Variants in SLC22A6 observed in about 807,000 individuals in gnomAD.
The protein encoded by SLC22A6 is solute carrier family 22 member 6, also known as PAH transporter.
Under a neutral mutation model 56.7 loss-of-function variants are expected in SLC22A6, and 45 were observed. That is an observed-to-expected ratio of 0.79 (90% CI 0.63 to 1.02). The LOEUF is 1.02. Among genes scored for constraint, SLC22A6 ranks in the 50% least tolerant of loss-of-function variants. SLC22A6 has a pLI of 0.00. For missense variants in SLC22A6, 606 were observed against 713.8 expected (o/e 0.85, Z 1.72); for synonymous variants, 291 against 295.9 (o/e 0.98, Z 0.17).
Position 62,981,977 on chromosome 11 carries a change from C to G in SLC22A6, c.662G>C (p.Cys221Ser). 1 of 1,614,092 alleles carries G rather than the reference C, an allele frequency of 6.2e-7. No homozygotes were observed. Among genetic ancestry groups the G allele is most frequent in the African/African-American group, 1.3e-5 (1 of 75,072 alleles). ...GACATAGCCAATCAAGGTGCCCACG[C>G]AGGCCCGTGTGTGAATGGGCATCCA... ...VEWMPIHTRACVGTLIGYVYS... is the reference protein window; with the variant it reads ...VEWMPIHTRASVGTLIGYVYS... The change falls in exon 4 of 10, where the codon TGC becomes TCC. Residue 221 changes from cysteine to serine, a missense_variant. By Grantham distance (112) the Cys-to-Ser change is moderately radical. Coordinates refer to ENST00000360421, the MANE Select transcript of SLC22A6 (RefSeq NM_153276.3).
At position 62,977,300 on chromosome 11, in the gene SLC22A6, G is replaced by C; in HGVS notation, c.1449C>G (p.Pro483=). 3 of 1,614,026 alleles carry C rather than the reference G, an allele frequency of 1.9e-6. No homozygotes were observed. The highest frequency in any genetic ancestry group is 2.5e-6 in the Non-Finnish European group (3 of 1,180,040). Residue 483 remains proline, a synonymous_variant, in exon 9 of 10, where the codon CCC becomes CCG. Transcript: ENST00000360421. ...PLVSMTAELY[P]SMPLFIYGAV... ...CACCGTAGATGAAGAGAGGCATGGA[G>C]GGGTAGAGCTCGGCAGTCATGCTCA... is the stretch of plus-strand genomic sequence containing the variant.
chr11:62,977,215 G>A lies in SLC22A6; in HGVS notation c.1534C>T (p.Leu512=). 1 of 1,614,210 alleles carries A rather than the reference G, an allele frequency of 6.2e-7. No individual in the cohort carries two copies. The highest frequency in any genetic ancestry group is 8.5e-7 in the Non-Finnish European group (1 of 1,180,038). ...TCCAGGTCCTGCACCGTGTCTGGCA[G>A]TGGCTGGCCCAGGGTCTCTGGCAGG... ...VLLPETLGQP[L]PDTVQDLESR... is the part of the protein sequence containing the mutation. Residue 512 remains leucine, a synonymous_variant, in exon 9 of 10, where the codon CTG becomes TTG. Coordinates refer to ENST00000360421, the MANE Select transcript of SLC22A6 (RefSeq NM_153276.3).
rs2135099900 is a variant in SLC22A6, at chr11:62,983,094, G to A, written c.628+443C>T. Among the ~76,000 whole-genome samples the A allele has an allele frequency of 6.6e-6, 1 of 151,922 alleles. No homozygotes were observed. The highest frequency in any genetic ancestry group is 6.6e-5 in the Admixed American group (1 of 15,250). On this transcript the variant is annotated intron_variant, in intron 3 of 9. Coordinates refer to ENST00000360421, the MANE Select transcript of SLC22A6 (RefSeq NM_153276.3). This position sits in a 1 kb window ranked among gnomAD's most constrained non-coding sequence, Gnocchi z 4.5. Reference sequence around the variant, plus strand: ...GAGTCTCGCTCTATTGCCCAGGCTGGAGTGCAGTGGCGCAATCTCCGCTCA... The same window carrying A: ...GAGTCTCGCTCTATTGCCCAGGCTGAAGTGCAGTGGCGCAATCTCCGCTCA...
intron 3 of SLC22A6, 134 bp from the exon 4 acceptor site, chr11:62,982,144 G>T (rs2086263077): frequency 2.5e-6 from 2 of 798,288 alleles, no homozygotes; most frequent in Non-Finnish European, 3.9e-6. Context: ...GTGCCAGGGT[G>T]ATGGGAGTGG....
Position 62,984,715 on chromosome 11 carries a change from G to T in SLC22A6, c.-25C>A. 6.3e-7 allele frequency: 1 copy of T among 1,598,904 alleles called. No homozygotes were observed. Reference sequence around the variant, plus strand: ...TTGGGCCAGGCCCAGCCCAGTGGCTGGGGGCTGAGGCCTTCCAGTCCCAGG... The same window carrying T: ...TTGGGCCAGGCCCAGCCCAGTGGCTTGGGGCTGAGGCCTTCCAGTCCCAGG... On this transcript the variant is annotated 5_prime_UTR_variant, in exon 1 of 10. Coordinates refer to ENST00000360421, the MANE Select transcript of SLC22A6 (RefSeq NM_153276.3).
intron 8 of SLC22A6, among the ~76,000 whole-genome samples, chr11:62,977,801 C>T (rs1250786238): frequency 6.6e-6 from 1 of 152,222 alleles, no homozygotes; most frequent in Non-Finnish European, 1.5e-5. Context: ...TGTGGTACAC[C>T]TATGGTTCTC....
At position 62,984,549 on chromosome 11, in the gene SLC22A6, G is replaced by A; in HGVS notation, c.142C>T (p.His48Tyr). Reference sequence around the variant, plus strand: ...TTGGCATCGGCAGGCGGGCGGCAGTGGTGGGTAGGGATGGCAGCAGTGAAG... The same window carrying A: ...TTGGCATCGGCAGGCGGGCGGCAGTAGTGGGTAGGGATGGCAGCAGTGAAG... The part of the protein sequence containing the change: ...QNFTAAIPTH[H>Y]CRPPADANLS... Residue 48 changes from histidine (H) to tyrosine (Y), a missense_variant, in exon 1 of 10, where the codon CAC becomes TAC. Coordinates refer to ENST00000360421, the MANE Select transcript of SLC22A6 (RefSeq NM_153276.3). 6.2e-7 allele frequency: 1 copy of A among 1,613,694 alleles called. No homozygotes were observed. The highest frequency in any genetic ancestry group is 8.5e-7 in the Non-Finnish European group (1 of 1,179,846).
chr11:62,984,320 AC>A lies in SLC22A6; in HGVS notation c.369+1del. ...CCTGGATGGGGAGCCCCAGGTGCTC[AC>A]CTCAGTCACGATGGTAGATGGGAAG... On this transcript the variant is annotated splice_donor_variant, in intron 1 of 9. Coordinates refer to ENST00000360421, the MANE Select transcript of SLC22A6 (RefSeq NM_153276.3). LOFTEE classifies it high-confidence loss of function. 1 of 1,610,776 alleles carries A rather than the reference AC, an allele frequency of 6.2e-7. No individual in the cohort carries two copies. The highest frequency in any genetic ancestry group is 2.2e-5 in the East Asian group (1 of 44,788).
Position 62,979,904 on chromosome 11 carries a change from T to C in SLC22A6, c.1082A>G (p.Gln361Arg), listed in dbSNP as rs749666932. 5.6e-6 allele frequency: 9 copies of C among 1,614,148 alleles called. No homozygotes were observed. The South Asian group carries it at 9.9e-5, about 18-fold the overall frequency. ...TAGGTAGATGCTGACTCCAAAGCCC[T>C]GCAGGTCCATGACCAGCCCATAGTA... ...FAYYGLVMDL[Q>R]GFGVSIYLIQ... The change falls in exon 7 of 10, where the codon CAG (glutamine) becomes CGG (arginine). Residue 361 changes from glutamine (Q) to arginine (R), a missense_variant. Coordinates refer to ENST00000360421, the MANE Select transcript of SLC22A6 (RefSeq NM_153276.3).
chr11:62,976,930 A>G (rs1481429176), intron 9 of SLC22A6, 49 bp from the exon 10 acceptor site: 2 of 1,600,822 alleles, frequency 1.2e-6, no homozygotes. Flanking sequence ...CCTCCAGGCC[A>G]GGGCCGGGAT....
At chr11:62,979,623 G>A (rs2086229779) in intron 7 of SLC22A6, 27 bp from the exon 8 acceptor site, 1 of 1,598,950 alleles carries the variant, frequency 6.3e-7, no homozygotes, top group Non-Finnish European at 8.6e-7. Context: ...GGGGATAGCA[G>A]GAGCTTGGGA....
In SLC22A6 at chr11:62,983,047, C is replaced by CT. The variant is rs1225439766; in HGVS notation, c.628+489dup. On this transcript the variant is annotated intron_variant, in intron 3 of 9. Coordinates refer to ENST00000360421, the MANE Select transcript of SLC22A6 (RefSeq NM_153276.3). This position sits in a 1 kb window ranked among gnomAD's most constrained non-coding sequence, Gnocchi z 4.5. ...TCTAACAATGGAGTTTGCAATCCTG[C>CT]TTTTTTTTTTTTTTTGAGACAGAGT... 0.012 allele frequency among the ~76,000 whole-genome samples: 1,703 copies of CT among 141,102 alleles called. 13 individuals are homozygous for CT. The highest frequency in any genetic ancestry group is 0.017 in the Non-Finnish European group (1,081 of 64,368). The allele number at this position is 141,102 out of a possible 152,430, so 92.6% of individuals were successfully genotyped here. A position where few individuals can be genotyped will look rare whatever the true frequency, so the allele number is the denominator to read the frequency against.
rs542949550 is a variant in SLC22A6 at position 62,983,622 on chromosome 11, G to A, written c.543C>T (p.Phe181=). The part of the protein sequence containing the change: ...QTAVSGTCAA[F]APNFPIYCAF... Reference sequence around the variant, plus strand: ...CGCAGTAGATGGGGAAGTTGGGTGCGAAGGCTGCGCAGGTCCCTGACACAG... The same window carrying A: ...CGCAGTAGATGGGGAAGTTGGGTGCAAAGGCTGCGCAGGTCCCTGACACAG... Residue 181 remains phenylalanine (F), a synonymous_variant, in exon 3 of 10, where the codon TTC becomes TTT. Transcript: ENST00000360421. This position sits in a 1 kb window ranked among gnomAD's most constrained non-coding sequence, Gnocchi z 4.5. 2.4e-5 allele frequency: 38 copies of A among 1,609,412 alleles called. No individual in the cohort carries two copies. The East Asian group carries it at 2.5e-4, about 10-fold the overall frequency.
Position 62,983,550 on chromosome 11 carries a change from G to C in SLC22A6, c.615C>G (p.Asn205Lys). Reference sequence around the variant, plus strand: ...AGAATCTCTCACTCAGTGTCATGCAGTTGAGGGAGATGCCAGCCAGAGCCA... The same window carrying C: ...AGAATCTCTCACTCAGTGTCATGCACTTGAGGGAGATGCCAGCCAGAGCCA... ...SGMALAGISL[N>K]CMTLNVEWMP... is the part of the protein sequence containing the mutation. Residue 205 changes from asparagine (N) to lysine (K), a missense_variant, in exon 3 of 10, where the codon AAC (asparagine) becomes AAG (lysine). Coordinates refer to ENST00000360421, the MANE Select transcript of SLC22A6 (RefSeq NM_153276.3). The surrounding 1 kb of genome is among the most constrained non-coding windows in gnomAD (Gnocchi z 4.5). The C allele has an allele frequency of 6.4e-7, 1 of 1,562,718 alleles. No homozygotes were observed. The highest frequency in any genetic ancestry group is 8.7e-7 in the Non-Finnish European group (1 of 1,153,440).
chr11:62,983,815 T>G lies in SLC22A6; in HGVS notation c.474-124A>C. The G allele has an allele frequency of 8.4e-7, 1 of 1,191,760 alleles. No homozygotes were observed. Among genetic ancestry groups the G allele is most frequent in the South Asian group, 1.5e-5 (1 of 66,610 alleles). 73.8% of individuals were successfully genotyped at this position (1,191,760 alleles called of 1,614,324 possible). On this transcript the variant is annotated intron_variant, in intron 2 of 9. Coordinates refer to ENST00000360421, the MANE Select transcript of SLC22A6 (RefSeq NM_153276.3). The surrounding 1 kb of genome is among the most constrained non-coding windows in gnomAD (Gnocchi z 4.5). ...GGGCCTTTTGAGGACCTCTGAAGTA[T>G]GAGGCTGGTGCTGTAGATCCTCAAA...
At position 62,981,066 on chromosome 11, in the gene SLC22A6, A is replaced by G. The variant is rs2086247772; in HGVS notation, c.956T>C (p.Met319Thr). 1.9e-6 allele frequency: 3 copies of G among 1,612,580 alleles called. No homozygotes were observed. The highest frequency in any genetic ancestry group is 3.3e-5 in the Admixed American group (2 of 59,944). The change falls in exon 6 of 10, where the codon ATG becomes ACG. Residue 319 changes from methionine (M) to threonine (T), a missense_variant. Coordinates refer to ENST00000360421, the MANE Select transcript of SLC22A6 (RefSeq NM_153276.3). ...CATGGCCGATGCCTGGCCTTTGCCC[A>G]TGGTCAGCTCCTTCTGCAGACTGGC... is the stretch of plus-strand genomic sequence containing the variant. ...LRASLQKELT[M>T]GKGQASAMEL...
chr11:62,984,786 C>G lies in SLC22A6; in HGVS notation c.-96G>C. On this transcript the variant is annotated 5_prime_UTR_variant, in exon 1 of 10. Coordinates refer to ENST00000360421, the MANE Select transcript of SLC22A6 (RefSeq NM_153276.3). ...CTGCTGTCCTTCGCTGGAGGAGCAG[C>G]ACTGCCGTTGCCTCCGCAGCTGGGT... The G allele has an allele frequency of 7.2e-7, 1 of 1,384,896 alleles. No individual in the cohort carries two copies. The highest frequency in any genetic ancestry group is 9.7e-7 in the Non-Finnish European group (1 of 1,035,962). 85.8% of individuals were successfully genotyped at this position (1,384,896 alleles called of 1,614,324 possible). A position where few individuals can be genotyped will look rare whatever the true frequency, so the allele number is the denominator to read the frequency against.
Position 62,977,315 on chromosome 11 carries a change from A to T in SLC22A6, c.1434T>A (p.Thr478=). Residue 478 remains threonine, a synonymous_variant, in exon 9 of 10, where the codon ACT becomes ACA. Coordinates refer to ENST00000360421, the MANE Select transcript of SLC22A6 (RefSeq NM_153276.3). The part of the protein sequence containing the change: ...GSIVSPLVSM[T]AELYPSMPLF... The stretch of plus-strand genomic sequence containing the variant: ...GAGGCATGGAGGGGTAGAGCTCGGC[A>T]GTCATGCTCACCAGTGGGCTCACGA... 1 of 1,610,074 alleles carries T rather than the reference A, an allele frequency of 6.2e-7. No homozygotes were observed. The highest frequency in any genetic ancestry group is 8.5e-7 in the Non-Finnish European group (1 of 1,178,586).
intron 9 of SLC22A6, 25 bp from the exon 10 acceptor site, chr11:62,976,906 C>T (rs779286002): frequency 3.1e-6 from 5 of 1,611,902 alleles, no homozygotes; most frequent in Non-Finnish European, 4.2e-6. Flanking sequence ...AAGAATGGCA[C>T]TCTGGGTATG....
Sources: allele counts gnomAD v4.1 joint callset (sites outside exome capture counted in the v4.1 genomes callset), GRCh38; gene constraint gnomAD v4.1.1; non-coding constraint Gnocchi (gnomAD v3.1); transcripts MANE v1.5; gene names NCBI Gene and HGNC (gene_info 2026-07-23, HGNC 2026-07-21).